Variants in MACF1 observed in about 807,000 individuals in gnomAD.
The protein encoded by MACF1 is microtubule-actin cross-linking factor 1.
In MACF1, 193 loss-of-function variants were observed where a neutral mutation model predicts 854.8. The observed-to-expected ratio is 0.23, with a 90% CI of 0.20 to 0.25. The LOEUF is 0.25. Ranked by LOEUF, MACF1 falls within the 10% of genes least tolerant of loss-of-function variation. The pLI, the probability that MACF1 is intolerant of heterozygous loss-of-function variation, is 1.00. For missense variants in MACF1, 7,722 were observed against 8,929.1 expected, an observed-to-expected ratio of 0.86 and a Z score of 5.45; for synonymous variants, 3,185 against 3,226.7, an observed-to-expected ratio of 0.99 and a Z score of 0.44.
At chr1:39,247,963 C>T (rs528690457) in intron 2 of MACF1, among the ~76,000 whole-genome samples, 5 of 152,008 alleles carry the variant, frequency 3.3e-5, no homozygotes, top group Admixed American at 6.6e-5. Context: ...CAGAGGTTGC[C>T]GTGAGCCAAG....
Position 39,443,556 on chromosome 1 carries a change from A to G in MACF1, c.19413A>G (p.Glu6471=). 3 of 1,609,338 alleles carry G rather than the reference A, an allele frequency of 1.9e-6. No individual in the cohort carries two copies. The South Asian group carries it at 3.3e-5, about 18-fold the overall frequency. The change falls in exon 79 of 101, where the codon GAA becomes GAG. Residue 6471 remains glutamate (E), a synonymous_variant. Coordinates refer to ENST00000564288, the MANE Select transcript of MACF1 (RefSeq NM_001394062.1). ...PTGGLPETAR[E]QLDTHMELYS... The stretch of plus-strand genomic sequence containing the variant: ...GAGGACTTCCTGAAACTGCTAGGGA[A>G]CAGCTTGATACACATATGGTAATAG...
chr1:39,480,429 A>G (rs926655977), intron 98 of MACF1, among the ~76,000 whole-genome samples: 1 of 152,182 alleles, frequency 6.6e-6, no homozygotes, highest in Admixed American at 6.5e-5. Flanking sequence ...TGGGCAACAT[A>G]GCAAGACCAT....
rs957104300 is a variant in MACF1, at chr1:39,481,006, T to C, written c.22257T>C (p.Pro7419=). 2.3e-5 allele frequency: 35 copies of C among 1,550,688 alleles called. No individual in the cohort carries two copies. The Admixed American group carries it at 5.7e-4, about 25-fold the overall frequency. Residue 7419 remains proline (P), a synonymous_variant, in exon 99 of 101, where the codon CCT becomes CCC. Coordinates refer to ENST00000564288, the MANE Select transcript of MACF1 (RefSeq NM_001394062.1). The stretch of plus-strand genomic sequence containing the variant: ...CCCCTATCAGGGACAGCCATTCTCC[T>C]GACCTCCAGCTGCCCACCCCCGAGG... The part of the protein sequence containing the change: ...AGTPIRDSHS[P]DLQLPTPEVI...
At chr1:39,104,994 C>T (rs1642183164) in intron 2 of MACF1, among the ~76,000 whole-genome samples, 1 of 152,192 alleles carries the variant, frequency 6.6e-6, no homozygotes, top group Non-Finnish European at 1.5e-5. Flanking sequence ...TCCTTTGTCC[C>T]GCTCCCGGCG....
Position 39,287,541 on chromosome 1 carries a change from G to C in MACF1, c.1764G>C (p.Leu588=). 6 of 1,614,236 alleles carry C rather than the reference G, an allele frequency of 3.7e-6. No individual in the cohort carries two copies. The highest frequency in any genetic ancestry group is 5.1e-6 in the Non-Finnish European group (6 of 1,180,040). The change falls in exon 15 of 101, where the codon CTG becomes CTC. Residue 588 remains leucine, a synonymous_variant. Transcript: ENST00000564288. ...ATCTCCGATTTGTGTATGAACTACT[G>C]TCTTGGGTAGAAGAGATGCAGGTGG... ...EGNLRFVYEL[L]SWVEEMQMKL... is the part of the protein sequence containing the mutation.
chr1:39,181,510 G>A (rs954927994), intron 2 of MACF1, among the ~76,000 whole-genome samples: 6 of 150,228 alleles, frequency 4.0e-5, no homozygotes, highest in East Asian at 1.9e-4. Context: ...CTTATTCTTC[G>A]TCTTCCTCTT....
At chr1:39,323,508 A>G (rs906574523) in intron 33 of MACF1, among the ~76,000 whole-genome samples, 9 of 151,624 alleles carry the variant, frequency 5.9e-5, no homozygotes, top group African/African-American at 2.2e-4. Flanking sequence ...AATACTATGT[A>G]TAATTATGAT....
intron 2 of MACF1, among the ~76,000 whole-genome samples, chr1:39,141,808 G>C (rs1220310116): frequency 6.6e-6 from 1 of 152,100 alleles, no homozygotes; most frequent in Non-Finnish European, 1.5e-5. Flanking sequence ...TGGGGGATAT[G>C]GTGGGTAGTG....
At chr1:39,406,975 G>C (rs995842134) in intron 58 of MACF1, among the ~76,000 whole-genome samples, 1 of 152,130 alleles carries the variant, frequency 6.6e-6, no homozygotes, top group Non-Finnish European at 1.5e-5. Flanking sequence ...TTAAAACCTG[G>C]ATTCCCTAAA....
chr1:39,097,694 C>T (rs1641970655), intron 2 of MACF1, among the ~76,000 whole-genome samples: 2 of 152,030 alleles, frequency 1.3e-5, no homozygotes, highest in South Asian at 4.2e-4. Context: ...TGTACTGTAG[C>T]CTGGGTGACA....
intron 43 of MACF1, among the ~76,000 whole-genome samples, chr1:39,351,761 A>G (rs759570340): frequency 4.0e-5 from 6 of 151,214 alleles, no homozygotes; most frequent in Admixed American, 1.3e-4. Context: ...TAATTTTTGT[A>G]TTTTTTAGTA....
intron 7 of MACF1, among the ~76,000 whole-genome samples, chr1:39,282,827 A>G (rs1049624025): frequency 6.6e-6 from 1 of 152,172 alleles, no homozygotes; most frequent in Non-Finnish European, 1.5e-5. Context: ...GCTTGCTTAG[A>G]GTGGTTTAGG....
At chr1:39,472,187 T>C (rs996795421) in intron 97 of MACF1, among the ~76,000 whole-genome samples, 3 of 152,196 alleles carry the variant, frequency 2.0e-5, no homozygotes, top group African/African-American at 4.8e-5. Flanking sequence ...AACCAAGTAC[T>C]AGGAATCTTC....
chr1:39,112,167 A>G (rs1281295491), intron 2 of MACF1, among the ~76,000 whole-genome samples: 2 of 149,228 alleles, frequency 1.3e-5, no homozygotes, highest in East Asian at 2.0e-4. Flanking sequence ...GCTCACTGCA[A>G]CCTCCACCCC....
chr1:39,348,381 A>G (rs1443024024), intron 41 of MACF1, among the ~76,000 whole-genome samples: 1 of 152,230 alleles, frequency 6.6e-6, no homozygotes, highest in East Asian at 1.9e-4. Context: ...GCATGTGAAC[A>G]TTCTCCCTGA....
In MACF1 at chr1:39,435,721, G is replaced by A. The variant is rs372488737; in HGVS notation, c.17948G>A (p.Arg5983Gln). ...CAAATAAAGGAGGAGGTGCGCCAGC[G>A]AGCCCTGGCTCTGGATGAAGCCGTG... ...YAQIKEEVRQ[R>Q]ALALDEAVSQ... The change falls in exon 70 of 101, where the codon CGA (arginine) becomes CAA (glutamine). Residue 5983 changes from arginine to glutamine, a missense_variant. This residue lies in a region of MACF1 where 2,807 missense variants were observed against 3,235.8 expected (regional missense o/e 0.87). Coordinates refer to ENST00000564288, the MANE Select transcript of MACF1 (RefSeq NM_001394062.1). 4.5e-5 allele frequency: 72 copies of A among 1,613,982 alleles called. No individual in the cohort carries two copies. Among genetic ancestry groups the A allele is most frequent in the African/African-American group, 4.0e-5 (3 of 74,906 alleles).
intron 2 of MACF1, among the ~76,000 whole-genome samples, chr1:39,102,035 G>A (rs1642093035): frequency 6.6e-6 from 1 of 151,478 alleles, no homozygotes; most frequent in African/African-American, 2.4e-5. Flanking sequence ...AATTAGCCGG[G>A]CGAGGTGGCG....
At chr1:39,299,908 G>A (rs2148414069) in intron 21 of MACF1, among the ~76,000 whole-genome samples, 1 of 152,292 alleles carries the variant, frequency 6.6e-6, no homozygotes, top group East Asian at 1.9e-4. Context: ...CTTTGTAGCT[G>A]TATTTGGAAG....
At chr1:39,267,579 C>T (rs764618133) in intron 6 of MACF1, among the ~76,000 whole-genome samples, 23 of 152,202 alleles carry the variant, frequency 1.5e-4, no homozygotes, top group Admixed American at 2.6e-4. Context: ...ATAGTTTTGA[C>T]CTCATATAGT....
Sources: gnomAD v4.1 joint callset for allele counts (sites outside exome capture counted in the v4.1 genomes callset) on GRCh38, gnomAD v4.1.1 for gene constraint, gnomAD v4.1.1 regional missense constraint, MANE v1.5 for transcripts, NCBI Gene and HGNC (gene_info 2026-07-23, HGNC 2026-07-21) for gene names.